C1QTNF3: variants seen among roughly 807,000 people sequenced by gnomAD.
The protein encoded by C1QTNF3 is complement C1q tumor necrosis factor-related protein 3.
Under a neutral mutation model 32.6 loss-of-function variants are expected in C1QTNF3, and 26 were observed. That is an observed-to-expected ratio of 0.80 (90% CI 0.58 to 1.11). C1QTNF3 has a LOEUF of 1.11. C1QTNF3 is among the 50% of genes least tolerant of loss of function. The pLI, the probability that C1QTNF3 is intolerant of heterozygous loss-of-function variation, is 0.00. For synonymous variants in C1QTNF3, 155 were observed against 146.0 expected (o/e 1.06, Z -0.44); for missense variants, 362 against 398.2 (o/e 0.91, Z 0.77).
the C1QTNF3 span, among the ~76,000 whole-genome samples, chr5:34,051,739 C>T: frequency 3.3e-5 from 5 of 152,222 alleles, no homozygotes; most frequent in African/African-American, 7.2e-5. Context: ...AACAATGCCA[C>T]GTCCTAGACA....
chr5:34,141,745 G>A, the C1QTNF3 span, among the ~76,000 whole-genome samples: 1 of 152,128 alleles, frequency 6.6e-6, no homozygotes, highest in Non-Finnish European at 1.5e-5. Flanking sequence ...AACAAAGAGG[G>A]TGGTGTCAGT....
At chr5:34,243,973 G>A in the C1QTNF3 span, among the ~76,000 whole-genome samples, 1 of 152,146 alleles carries the variant, frequency 6.6e-6, no homozygotes, top group African/African-American at 2.4e-5. Context: ...TCTAATGAAG[G>A]TAGACTTTAT....
chr5:34,161,744 G>A, the C1QTNF3 span, among the ~76,000 whole-genome samples: 1 of 151,998 alleles, frequency 6.6e-6, no homozygotes, highest in East Asian at 1.9e-4. Flanking sequence ...TAAAAATATT[G>A]TAAATGTATG....
chr5:34,146,649 C>T, the C1QTNF3 span, among the ~76,000 whole-genome samples: 9 of 152,060 alleles, frequency 5.9e-5, no homozygotes, highest in South Asian at 2.1e-4. Flanking sequence ...TAACTTTCAC[C>T]GTATACAAAG....
At chr5:34,073,144 G>A in the C1QTNF3 span, among the ~76,000 whole-genome samples, 1 of 152,024 alleles carries the variant, frequency 6.6e-6, no homozygotes, top group Non-Finnish European at 1.5e-5. Flanking sequence ...TGGCTAACAC[G>A]GTGAAACCCT....
At chr5:34,038,080 T>C (rs565882877) in intron 1 of C1QTNF3, among the ~76,000 whole-genome samples, 2 of 152,344 alleles carry the variant, frequency 1.3e-5, no homozygotes, top group East Asian at 1.9e-4. Flanking sequence ...ATTTCCATCA[T>C]GGTGCTGTGT....
the C1QTNF3 span, among the ~76,000 whole-genome samples, chr5:34,161,432 A>G: frequency 6.6e-6 from 1 of 152,158 alleles, no homozygotes; most frequent in African/African-American, 2.4e-5. Context: ...AATTGTTAAA[A>G]AAAATTGAAT....
the C1QTNF3 span, among the ~76,000 whole-genome samples, chr5:34,062,313 T>A: frequency 6.6e-6 from 1 of 152,174 alleles, no homozygotes; most frequent in African/African-American, 2.4e-5. Context: ...ACCTTTTGAA[T>A]CAGGAGTGAG....
chr5:34,049,683 C>T, the C1QTNF3 span, among the ~76,000 whole-genome samples: 3 of 152,180 alleles, frequency 2.0e-5, no homozygotes, highest in Non-Finnish European at 4.4e-5. Context: ...CAGGAATTGC[C>T]TAATGTGACT....
chr5:34,065,189 C>A, the C1QTNF3 span, among the ~76,000 whole-genome samples: 1 of 152,068 alleles, frequency 6.6e-6, no homozygotes, highest in South Asian at 2.1e-4. Context: ...TTAAGCAAAT[C>A]AACCAGCAAA....
At chr5:34,121,554 G>A in the C1QTNF3 span, among the ~76,000 whole-genome samples, 3 of 152,132 alleles carry the variant, frequency 2.0e-5, no homozygotes, top group Admixed American at 1.3e-4. Context: ...CCATCCCCAT[G>A]ATTCAAATGA....
At chr5:34,102,821 C>G in the C1QTNF3 span, among the ~76,000 whole-genome samples, 7 of 146,362 alleles carry the variant, frequency 4.8e-5, no homozygotes, top group Non-Finnish European at 7.5e-5. Flanking sequence ...CATCACACAC[C>G]GGGGCCTGTT....
chr5:34,205,449 T>C, the C1QTNF3 span, among the ~76,000 whole-genome samples: 1 of 152,216 alleles, frequency 6.6e-6, no homozygotes. Context: ...ATTTCCTCCT[T>C]GCTGTTCTTG....
chr5:34,128,529 G>A, the C1QTNF3 span, among the ~76,000 whole-genome samples: 1 of 152,210 alleles, frequency 6.6e-6, no homozygotes, highest in Admixed American at 6.5e-5. Flanking sequence ...AATCAAAGGG[G>A]CTGTATCTTG....
chr5:34,132,217 C>T, the C1QTNF3 span, among the ~76,000 whole-genome samples: 1 of 151,868 alleles, frequency 6.6e-6, no homozygotes, highest in African/African-American at 2.4e-5. Context: ...AGAAACCCGT[C>T]TCTACTAAAA....
At chr5:34,077,935 A>G in the C1QTNF3 span, among the ~76,000 whole-genome samples, 1 of 151,832 alleles carries the variant, frequency 6.6e-6, no homozygotes, top group African/African-American at 2.4e-5. Context: ...TTCAAATACA[A>G]AAGTGCAAAA....
chr5:34,099,507 A>G, the C1QTNF3 span, among the ~76,000 whole-genome samples: 1 of 151,972 alleles, frequency 6.6e-6, no homozygotes, highest in Non-Finnish European at 1.5e-5. Flanking sequence ...AAATTAATAT[A>G]GAGACTTTAT....
chr5:34,225,818 T>C, the C1QTNF3 span, among the ~76,000 whole-genome samples: 1 of 151,978 alleles, frequency 6.6e-6, no homozygotes, highest in African/African-American at 2.4e-5. Flanking sequence ...CCTAAACTTA[T>C]CATTAAAGAT....
the C1QTNF3 span, among the ~76,000 whole-genome samples, chr5:34,203,911 A>AT: frequency 6.6e-6 from 1 of 152,144 alleles, no homozygotes; most frequent in Non-Finnish European, 1.5e-5. Flanking sequence ...CTAAAACAGT[A>AT]TAACAATGAC....
Sources: gnomAD v4.1 joint callset for allele counts (sites outside exome capture counted in the v4.1 genomes callset) on GRCh38, gnomAD v4.1.1 for gene constraint, MANE v1.5 for transcripts, NCBI Gene and HGNC (gene_info 2026-07-23, HGNC 2026-07-21) for gene names.